The following ERLIN1 variants were observed in gnomAD, a reference collection of about 807,000 sequenced individuals.
ERLIN1 encodes erlin-1.
ERLIN1 carries 24 observed loss-of-function variants against 46.9 expected under a neutral mutation model. The observed-to-expected ratio is 0.51, with a 90% confidence interval of 0.37 to 0.72. The LOEUF (loss-of-function observed/expected upper bound fraction) is 0.72, where lower values mean the gene tolerates loss of function less well. Among genes scored for constraint, ERLIN1 ranks in the 30% least tolerant of loss-of-function variants. The pLI, the probability that ERLIN1 is intolerant of heterozygous loss-of-function variation, is 0.00. For missense variants in ERLIN1, 293 were observed against 417.9 expected (o/e 0.70, Z 2.61); for synonymous variants, 158 against 143.2 (o/e 1.10, Z -0.74).
At chr10:100,175,582 C>CT (rs764561764) in intron 5 of ERLIN1, among the ~76,000 whole-genome samples, 2 of 152,268 alleles carry the variant, frequency 1.3e-5, no homozygotes. Context: ...TGTAATAAAT[C>CT]TTAGCTGTGA....
chr10:100,169,835 C>T (rs1004542820), intron 6 of ERLIN1, among the ~76,000 whole-genome samples: 1 of 151,848 alleles, frequency 6.6e-6, no homozygotes, highest in Non-Finnish European at 1.5e-5. Context: ...CTGGGCAACA[C>T]GGCAAAGGCC....
intron 5 of ERLIN1, among the ~76,000 whole-genome samples, chr10:100,175,669 A>G (rs185646161): frequency 9.2e-5 from 14 of 152,248 alleles, no homozygotes; most frequent in Admixed American, 2.6e-4. Flanking sequence ...AGGTTTCTAA[A>G]TTTTTCAAAT....
chr10:100,175,799 A>G (rs1318702566), intron 5 of ERLIN1, 146 bp downstream of exon 5: 2 of 571,808 alleles, frequency 3.5e-6, no homozygotes, highest in African/African-American at 3.8e-5. Flanking sequence ...AACTTAAGAT[A>G]AAAAATATTT....
chr10:100,159,096 G>C (rs1206672178), intron 8 of ERLIN1, among the ~76,000 whole-genome samples: 1 of 151,986 alleles, frequency 6.6e-6, no homozygotes, highest in African/African-American at 2.4e-5. Flanking sequence ...GTAAAAGAAT[G>C]GGAAAAGGTA....
At chr10:100,174,187 T>G (rs1460991613) in intron 6 of ERLIN1, 21 bp downstream of exon 6, 4 of 1,507,920 alleles carry the variant, frequency 2.7e-6, no homozygotes. Flanking sequence ...CCCAGAGAAC[T>G]TCCCTAGGAA....
intron 6 of ERLIN1, among the ~76,000 whole-genome samples, chr10:100,169,552 A>C (rs1315981301): frequency 6.6e-6 from 1 of 152,106 alleles, no homozygotes; most frequent in Non-Finnish European, 1.5e-5. Flanking sequence ...AAAAATTACT[A>C]GAAGGCAGTG....
At position 100,175,938 on chromosome 10, in the gene ERLIN1, CA is replaced by C; in HGVS notation, c.430+6del. On this transcript the variant is annotated splice_donor_region_variant and intron_variant, in intron 5 of 10. Transcript: ENST00000421367. Reference sequence around the variant, plus strand: ...CTATTTACATACATAAGAATTAAGACACTTACCAAACAATTCAATGTAAACT... The same window carrying C: ...CTATTTACATACATAAGAATTAAGACCTTACCAAACAATTCAATGTAAACT... 2 of 1,611,386 alleles carry C rather than the reference CA, an allele frequency of 1.2e-6. No individual in the cohort carries two copies. The highest frequency in any genetic ancestry group is 4.5e-5 in the East Asian group (2 of 44,832).
chr10:100,181,924 T>G (rs1414317733), intron 2 of ERLIN1, among the ~76,000 whole-genome samples: 1 of 152,234 alleles, frequency 6.6e-6, no homozygotes, highest in East Asian at 1.9e-4. Context: ...CTAGCCCATG[T>G]AAAACTTTTT....
chr10:100,161,532 T>C (rs563991952), intron 8 of ERLIN1, among the ~76,000 whole-genome samples: 3 of 152,208 alleles, frequency 2.0e-5, no homozygotes, highest in Non-Finnish European at 4.4e-5. Flanking sequence ...CCCAACACAA[T>C]ATTTCACAAA....
Position 100,174,205 on chromosome 10 carries a change from T to C in ERLIN1, c.504+3A>G. 1 of 1,553,804 alleles carries C rather than the reference T, an allele frequency of 6.4e-7. No individual in the cohort carries two copies. Among genetic ancestry groups the C allele is most frequent in the Non-Finnish European group, 8.7e-7 (1 of 1,144,658 alleles). ...AGAGAACTTCCCTAGGAAAAGAACTTACCTGTATAGTGAGACCTGGGGCCA... is the reference window on the plus strand; with the variant it reads ...AGAGAACTTCCCTAGGAAAAGAACTCACCTGTATAGTGAGACCTGGGGCCA... On this transcript the variant is annotated splice_donor_region_variant and intron_variant, in intron 6 of 10. Transcript: ENST00000421367.
intron 7 of ERLIN1, among the ~76,000 whole-genome samples, chr10:100,165,815 TC>T (rs1843606733): frequency 6.6e-6 from 1 of 151,990 alleles, no homozygotes. Context: ...AACCTCTACC[TC>T]CCCGGTTGAA....
intron 5 of ERLIN1, among the ~76,000 whole-genome samples, chr10:100,174,537 T>C (rs1365534390): frequency 6.6e-6 from 1 of 152,220 alleles, no homozygotes; most frequent in Non-Finnish European, 1.5e-5. Flanking sequence ...ATGTATTACT[T>C]AACTATGGAT....
At position 100,179,189 on chromosome 10, in the gene ERLIN1, G is replaced by T; in HGVS notation, c.242+12C>A. On this transcript the variant is annotated intron_variant, in intron 3 of 10. Coordinates refer to ENST00000421367, the MANE Select transcript of ERLIN1 (RefSeq NM_006459.4). ...AGCTAAAGGGAGGCTCGTAGGCAAA[G>T]AGAAAGCTTACCTTGTTCCACAAGG... The T allele has an allele frequency of 6.3e-7, 1 of 1,587,834 alleles. No homozygotes were observed. Among genetic ancestry groups the T allele is most frequent in the South Asian group, 1.1e-5 (1 of 87,310 alleles).
intron 2 of ERLIN1, among the ~76,000 whole-genome samples, chr10:100,182,496 T>C (rs7915944): frequency 0.25 from 37,571 of 152,118 alleles, 8,222 homozygotes; most frequent in African/African-American, 0.58. Context: ...CAACTGGCGG[T>C]AACGCTGGGT....
intron 7 of ERLIN1, 43 bp from the exon 8 acceptor site, chr10:100,164,138 T>C (rs767562359): frequency 1.5e-6 from 2 of 1,348,598 alleles, no homozygotes; most frequent in Non-Finnish European, 2.1e-6. Context: ...GATTCTCCTA[T>C]GTGCAGTCAC....
At chr10:100,165,866 T>C (rs1441139949) in intron 7 of ERLIN1, among the ~76,000 whole-genome samples, 2 of 152,126 alleles carry the variant, frequency 1.3e-5, no homozygotes, top group Non-Finnish European at 2.9e-5. Context: ...GCTGGGATTA[T>C]AGGTGCCTGC....
At chr10:100,154,818 C>T (rs185807799) in intron 10 of ERLIN1, 42 bp downstream of exon 10, 2 of 1,532,538 alleles carry the variant, frequency 1.3e-6, no homozygotes, top group Admixed American at 3.4e-5. Flanking sequence ...AAAGCAAAAC[C>T]CCGAAATGCA....
At chr10:100,176,620 G>C (rs1844322731) in intron 4 of ERLIN1, among the ~76,000 whole-genome samples, 1 of 152,082 alleles carries the variant, frequency 6.6e-6, no homozygotes, top group Admixed American at 6.6e-5. Context: ...CTTTATATCA[G>C]GTAATTTACA....
intron 7 of ERLIN1, 115 bp from the exon 8 acceptor site, chr10:100,164,210 C>A: frequency 1.5e-6 from 1 of 645,560 alleles, no homozygotes; most frequent in Non-Finnish European, 2.7e-6. Flanking sequence ...AGCTTTTGGA[C>A]CCATTAAGGT....
Sources: allele counts gnomAD v4.1 joint callset (sites outside exome capture counted in the v4.1 genomes callset), GRCh38; gene constraint gnomAD v4.1.1; transcripts MANE v1.5; gene names NCBI Gene and HGNC (gene_info 2026-07-23, HGNC 2026-07-21).